Variants in MACROD2 observed in about 807,000 individuals in gnomAD.
MACROD2 encodes the protein mono-ADP ribosylhydrolase 2, also known as ADP-ribose glycohydrolase MACROD2.
A neutral mutation model predicts 70.4 loss-of-function variants in MACROD2; 36 were observed. The observed-to-expected ratio is 0.51, with a 90% CI of 0.39 to 0.68. MACROD2 has a LOEUF of 0.68. MACROD2 is among the 30% of genes least tolerant of loss of function. MACROD2 has a pLI of 0.00. For missense variants in MACROD2, 496 were observed against 538.4 expected, an observed-to-expected ratio of 0.92 and a Z score of 0.78; for synonymous variants, 172 against 178.8, an observed-to-expected ratio of 0.96 and a Z score of 0.30.
intron 3 of MACROD2, among the ~76,000 whole-genome samples, chr20:14,327,831 A>T: frequency 6.6e-6 from 1 of 152,078 alleles, no homozygotes; most frequent in East Asian, 1.9e-4. Context: ...TTGAAGTTTT[A>T]TTGAATAATC....
chr20:15,222,299 G>C (rs1568648207), intron 5 of MACROD2, among the ~76,000 whole-genome samples: 1 of 152,142 alleles, frequency 6.6e-6, no homozygotes, highest in Non-Finnish European at 1.5e-5. Flanking sequence ...ATAGACAATT[G>C]ATTGTTTCTT....
chr20:15,278,967 G>T (rs907999003), intron 6 of MACROD2, among the ~76,000 whole-genome samples: 3 of 152,126 alleles, frequency 2.0e-5, no homozygotes, highest in Non-Finnish European at 2.9e-5. Flanking sequence ...CTTTCGCCTT[G>T]CAGTCTGACT....
At chr20:15,237,231 G>A (rs2077021512) in intron 6 of MACROD2, among the ~76,000 whole-genome samples, 1 of 152,114 alleles carries the variant, frequency 6.6e-6, no homozygotes, top group Non-Finnish European at 1.5e-5. Flanking sequence ...GAAAATTAAA[G>A]GAAGCTTGTA....
intron 4 of MACROD2, among the ~76,000 whole-genome samples, chr20:14,530,859 A>G (rs758597555): frequency 5.9e-5 from 9 of 152,368 alleles, no homozygotes; most frequent in African/African-American, 1.7e-4. Context: ...TCAGTACACT[A>G]TGCTTCATTT....
At chr20:14,464,754 C>T (rs1252610078) in intron 3 of MACROD2, among the ~76,000 whole-genome samples, 1 of 151,954 alleles carries the variant, frequency 6.6e-6, no homozygotes, top group Non-Finnish European at 1.5e-5. Context: ...TCGTTGGTTT[C>T]AAAGAACATC....
At chr20:14,713,273 C>T (rs1600575015) in intron 5 of MACROD2, among the ~76,000 whole-genome samples, 1 of 152,172 alleles carries the variant, frequency 6.6e-6, no homozygotes, top group South Asian at 2.1e-4. Context: ...TCTTTACATA[C>T]TGTCTTCTGG....
chr20:15,356,469 G>T (rs1387341676), intron 6 of MACROD2, among the ~76,000 whole-genome samples: 1 of 152,050 alleles, frequency 6.6e-6, no homozygotes, highest in Non-Finnish European at 1.5e-5. Context: ...AAAATACCAG[G>T]CATATTAACA....
intron 5 of MACROD2, among the ~76,000 whole-genome samples, chr20:15,137,064 T>G (rs982707779): frequency 6.7e-6 from 1 of 148,242 alleles, no homozygotes; most frequent in Admixed American, 6.7e-5. Context: ...AAACAACAGG[T>G]GCTGGAGAGG....
chr20:15,983,394 T>A (rs573660903), intron 13 of MACROD2, among the ~76,000 whole-genome samples: 6 of 152,208 alleles, frequency 3.9e-5, no homozygotes, highest in African/African-American at 1.4e-4. Flanking sequence ...TTCAGCAGAG[T>A]GCCCAGTAAA....
intron 5 of MACROD2, among the ~76,000 whole-genome samples, chr20:14,858,027 G>T (rs748101826): frequency 4.6e-5 from 7 of 151,996 alleles, no homozygotes; most frequent in Non-Finnish European, 1.0e-4. Flanking sequence ...CACCATGTTG[G>T]CCAGGCTGGT....
At chr20:14,378,209 G>A (rs2083390508) in intron 3 of MACROD2, among the ~76,000 whole-genome samples, 1 of 152,092 alleles carries the variant, frequency 6.6e-6, no homozygotes, top group African/African-American at 2.4e-5. Context: ...GCTGCTTTGG[G>A]GACAATAATA....
At chr20:15,101,319 C>T (rs62202811) in intron 5 of MACROD2, among the ~76,000 whole-genome samples, 15,783 of 151,690 alleles carry the variant, frequency 0.1, 1,015 homozygotes, top group Middle Eastern at 0.18. Context: ...GATTCAATTT[C>T]CTATCAGTCT....
intron 3 of MACROD2, among the ~76,000 whole-genome samples, chr20:14,397,330 G>C (rs1483312927): frequency 2.0e-5 from 3 of 152,088 alleles, no homozygotes; most frequent in Admixed American, 2.0e-4. Flanking sequence ...ATATTGCTGG[G>C]TTTGAACATA....
intron 6 of MACROD2, among the ~76,000 whole-genome samples, chr20:15,363,994 C>T (rs970328110): frequency 2.6e-5 from 4 of 152,024 alleles, no homozygotes; most frequent in African/African-American, 9.7e-5. Flanking sequence ...TTTCTTTATA[C>T]TGATTTTTGG....
intron 5 of MACROD2, among the ~76,000 whole-genome samples, chr20:15,225,998 C>T (rs1306674924): frequency 6.6e-6 from 1 of 152,158 alleles, no homozygotes; most frequent in African/African-American, 2.4e-5. Context: ...GCTGTATAAT[C>T]GTGTTTGGGA....
chr20:15,073,803 ATAAC>A (rs374715477), intron 5 of MACROD2, among the ~76,000 whole-genome samples: 15 of 152,326 alleles, frequency 9.8e-5, no homozygotes, highest in African/African-American at 3.4e-4. Context: ...ACTATAAAAA[ATAAC>A]TAAGAAGCTT....
At chr20:14,622,335 T>G (rs930894693) in intron 4 of MACROD2, among the ~76,000 whole-genome samples, 3 of 152,092 alleles carry the variant, frequency 2.0e-5, no homozygotes, top group Non-Finnish European at 4.4e-5. Flanking sequence ...CTTTGGTCAT[T>G]TGCTTTTCTA....
At position 14,497,262 on chromosome 20, in the gene MACROD2, A is replaced by T. The variant is rs192300554; in HGVS notation, c.301+3754A>T. On this transcript the variant is annotated intron_variant, in intron 4 of 17. Transcript: ENST00000684519. ...TACTCTTGGATTGCTGCCCAGATTC[A>T]TATACTTTTTTGTGCATTTGAGATT... 2.6e-5 allele frequency among the ~76,000 whole-genome samples: 4 copies of T among 151,852 alleles called. No individual in the cohort carries two copies. In the East Asian group the frequency reaches 7.7e-4, roughly 29 times the overall value.
chr20:14,272,756 C>A (rs941391101), intron 3 of MACROD2, among the ~76,000 whole-genome samples: 3 of 152,152 alleles, frequency 2.0e-5, no homozygotes, highest in Non-Finnish European at 4.4e-5. Context: ...ACCCATCTCA[C>A]ATGCAGAGAC....
Sources: gnomAD v4.1 joint callset for allele counts (sites outside exome capture counted in the v4.1 genomes callset) on GRCh38, gnomAD v4.1.1 for gene constraint, MANE v1.5 for transcripts, NCBI Gene and HGNC (gene_info 2026-07-23, HGNC 2026-07-21) for gene names.